The following LPP variants were observed in gnomAD, a reference collection of about 807,000 sequenced individuals.
LPP encodes the protein lipoma-preferred partner.
In LPP, 38 loss-of-function variants were observed where a neutral mutation model predicts 60.4. That is an observed-to-expected ratio of 0.63 (90% CI 0.49 to 0.83). The LOEUF is 0.83. Among genes scored for constraint, LPP ranks in the 40% least tolerant of loss-of-function variants. LPP has a pLI of 0.00. For missense variants in LPP, 902 were observed against 783.6 expected, an observed-to-expected ratio of 1.15 and a Z score of -1.80; for synonymous variants, 328 against 290.8, an observed-to-expected ratio of 1.13 and a Z score of -1.30.
intron 1 of LPP, among the ~76,000 whole-genome samples, chr3:188,176,175 C>T (rs1722981167): frequency 6.6e-6 from 1 of 152,078 alleles, no homozygotes; most frequent in African/African-American, 2.4e-5. Context: ...TTACTGGGCC[C>T]CGTCTCAGAG....
chr3:188,241,539 T>G (rs2149470623), intron 2 of LPP, among the ~76,000 whole-genome samples: 1 of 152,360 alleles, frequency 6.6e-6, no homozygotes, highest in East Asian at 1.9e-4. Flanking sequence ...GCTAATTTGT[T>G]TCCTGCTTGT....
chr3:188,667,427 G>A (rs965086692), intron 7 of LPP, among the ~76,000 whole-genome samples: 3 of 149,930 alleles, frequency 2.0e-5, no homozygotes, highest in Non-Finnish European at 1.5e-5. Context: ...GCAGTGAGCC[G>A]AGATCACACC....
chr3:188,574,709 C>CTG (rs139022395), intron 6 of LPP, among the ~76,000 whole-genome samples: 55 of 151,090 alleles, frequency 3.6e-4, no homozygotes, highest in Non-Finnish European at 4.7e-4. Flanking sequence ...GCGTAATTTC[C>CTG]TGTGTGTGTG....
intron 2 of LPP, among the ~76,000 whole-genome samples, chr3:188,265,044 C>T (rs536780942): frequency 1.3e-5 from 2 of 152,180 alleles, no homozygotes; most frequent in Non-Finnish European, 2.9e-5. Context: ...AACTTCCACC[C>T]ACTTTCTGAC....
At chr3:188,240,277 A>C in intron 2 of LPP, 2 of 169,492 alleles carry the variant, frequency 1.2e-5, no homozygotes, top group South Asian at 2.0e-4. Flanking sequence ...GAACATGGGT[A>C]GGAATAGCTT....
chr3:188,158,589 C>T (rs1717236604), intron 1 of LPP, among the ~76,000 whole-genome samples: 1 of 152,042 alleles, frequency 6.6e-6, no homozygotes, highest in Non-Finnish European at 1.5e-5. Context: ...GTTTCCTTTC[C>T]TATCATTCTT....
chr3:188,396,718 T>C (rs1423613303), intron 3 of LPP, among the ~76,000 whole-genome samples: 1 of 152,220 alleles, frequency 6.6e-6, no homozygotes. Flanking sequence ...GCAGATTTAC[T>C]GAACTCAAAG....
chr3:188,811,063 G>A (rs1474630657), intron 9 of LPP, among the ~76,000 whole-genome samples: 2 of 151,786 alleles, frequency 1.3e-5, no homozygotes, highest in South Asian at 2.1e-4. Flanking sequence ...GAATACATAC[G>A]ACACACACAC....
At chr3:188,745,655 T>G (rs9821679) in intron 8 of LPP, among the ~76,000 whole-genome samples, 6 of 152,186 alleles carry the variant, frequency 3.9e-5, no homozygotes, top group Admixed American at 2.0e-4. Context: ...AGTCAGTAAA[T>G]TTTTTACAAA....
At chr3:188,802,746 C>T (rs994604808) in intron 9 of LPP, among the ~76,000 whole-genome samples, 2 of 151,518 alleles carry the variant, frequency 1.3e-5, no homozygotes, top group African/African-American at 2.4e-5. Flanking sequence ...ATTGCACCAC[C>T]GCACTCCAAC....
intron 5 of LPP, among the ~76,000 whole-genome samples, chr3:188,493,069 T>G (rs145935530): frequency 1.3e-5 from 2 of 152,356 alleles, no homozygotes; most frequent in Non-Finnish European, 2.9e-5. Context: ...GTTCTTTTTT[T>G]CTGCCATAGT....
At chr3:188,382,952 ACT>A (rs1482866130) in intron 3 of LPP, among the ~76,000 whole-genome samples, 2 of 151,948 alleles carry the variant, frequency 1.3e-5, no homozygotes, top group Non-Finnish European at 2.9e-5. Context: ...GTGTCTACTG[ACT>A]CTTAAAACCC....
rs1228533443 is a variant in LPP, at chr3:188,572,554, A to G, written c.430-36607A>G. Among the ~76,000 whole-genome samples the G allele has an allele frequency of 6.6e-6, 1 of 152,110 alleles. No homozygotes were observed. Among genetic ancestry groups the G allele is most frequent in the Non-Finnish European group, 1.5e-5 (1 of 68,006 alleles). ...CAAAAGTCTAGAGAACCTGATTTGT[A>G]ACTGTATCATTATGACTTACTGAAT... On this transcript the variant is annotated intron_variant, in intron 6 of 11. Transcript: ENST00000617246. The surrounding 1 kb of genome is among the most constrained non-coding windows in gnomAD (Gnocchi z 4.1).
intron 5 of LPP, among the ~76,000 whole-genome samples, chr3:188,506,860 C>T (rs902073268): frequency 2.4e-4 from 36 of 152,084 alleles, no homozygotes; most frequent in South Asian, 2.3e-3. Context: ...TGCAGTGGCG[C>T]AATCTCGGCT....
intron 2 of LPP, among the ~76,000 whole-genome samples, chr3:188,321,628 A>G (rs1756983075): frequency 1.3e-5 from 2 of 152,180 alleles, no homozygotes; most frequent in Admixed American, 1.3e-4. Context: ...TGGTATTTTC[A>G]TAATTGAGAA....
At chr3:188,460,771 A>G (rs369389524) in intron 4 of LPP, among the ~76,000 whole-genome samples, 2 of 152,202 alleles carry the variant, frequency 1.3e-5, no homozygotes. Context: ...AGCTTGGATA[A>G]AGTTGATATG....
At chr3:188,663,448 A>G (rs11928920) in intron 7 of LPP, among the ~76,000 whole-genome samples, 7,477 of 152,004 alleles carry the variant, frequency 0.049, 573 homozygotes, top group African/African-American at 0.17. Context: ...TAAAGATAAA[A>G]CTCTTTCAAA....
intron 5 of LPP, among the ~76,000 whole-genome samples, chr3:188,487,807 C>A (rs971368445): frequency 7.2e-5 from 11 of 152,092 alleles, no homozygotes; most frequent in African/African-American, 2.7e-4. Flanking sequence ...GTTCCCAAGT[C>A]CAAATTATAG....
intron 9 of LPP, among the ~76,000 whole-genome samples, chr3:188,830,851 T>C (rs1167493456): frequency 6.6e-6 from 1 of 152,176 alleles, no homozygotes; most frequent in Admixed American, 6.5e-5. Context: ...TTCATTTACA[T>C]TGTGTGCTTA....
Sources: gnomAD v4.1 joint callset for allele counts (sites outside exome capture counted in the v4.1 genomes callset) on GRCh38, gnomAD v4.1.1 for gene constraint, Gnocchi (gnomAD v3.1) non-coding constraint, MANE v1.5 for transcripts, NCBI Gene and HGNC (gene_info 2026-07-23, HGNC 2026-07-21) for gene names.